The following DIP2C variants were observed in gnomAD, a reference collection of about 807,000 sequenced individuals.
The protein encoded by DIP2C is DIP2 acetate--CoA ligase C (putative).
In DIP2C, 33 loss-of-function variants were observed where a neutral mutation model predicts 192.4. The observed-to-expected ratio is 0.17, with a 90% CI of 0.13 to 0.23. DIP2C has a LOEUF of 0.23. DIP2C is among the 10% of genes least tolerant of loss of function. The pLI is 1.00. For synonymous variants in DIP2C, 979 were observed against 864.1 expected (o/e 1.13, Z -2.33); for missense variants, 1,537 against 2,110.1 (o/e 0.73, Z 5.32).
chr10:662,180 TTTTATCTATACACA>T, intron 1 of DIP2C: 1 of 711,950 alleles, frequency 1.4e-6, no homozygotes, highest in Middle Eastern at 2.3e-4. Context: ...CACATGCATA[TTTTATCTATACACA>T]AAGAGTACAG....
At chr10:580,393 T>A (rs541236108) in intron 1 of DIP2C, among the ~76,000 whole-genome samples, 2 of 152,190 alleles carry the variant, frequency 1.3e-5, no homozygotes, top group Non-Finnish European at 2.9e-5. Flanking sequence ...AGTACACAAA[T>A]GTGCAAATAC....
intron 1 of DIP2C, among the ~76,000 whole-genome samples, chr10:591,445 G>A (rs1259533519): frequency 6.6e-6 from 1 of 152,112 alleles, no homozygotes; most frequent in East Asian, 1.9e-4. Flanking sequence ...TAATTTCTAA[G>A]CCACTCTCTC....
At chr10:618,588 T>TAG (rs148321657) in intron 1 of DIP2C, among the ~76,000 whole-genome samples, 1 of 63,654 alleles carries the variant, frequency 1.6e-5, no homozygotes, top group African/African-American at 2.8e-5. Context: ...TGTATGAATT[T>TAG]AGTCATGACT....
intron 16 of DIP2C, among the ~76,000 whole-genome samples, chr10:383,194 T>C (rs1341101134): frequency 6.6e-6 from 1 of 152,002 alleles, no homozygotes; most frequent in African/African-American, 2.4e-5. Flanking sequence ...GCAAGATGTA[T>C]TGTTTTGTAC....
At chr10:415,696 G>T in intron 7 of DIP2C, 73 bp downstream of exon 7, 2 of 1,572,800 alleles carry the variant, frequency 1.3e-6, no homozygotes, top group South Asian at 1.2e-5. Context: ...AAATAGCCTT[G>T]CAGAAAAAAA....
chr10:532,463 G>T (rs559039134), intron 1 of DIP2C, among the ~76,000 whole-genome samples: 5 of 152,300 alleles, frequency 3.3e-5, no homozygotes, highest in African/African-American at 1.2e-4. Context: ...AACCAAAACA[G>T]CATGTTTTTC....
intron 1 of DIP2C, among the ~76,000 whole-genome samples, chr10:618,823 G>A (rs532765141): frequency 5.9e-5 from 9 of 152,228 alleles, no homozygotes; most frequent in East Asian, 1.9e-4. Context: ...ACACGGCCAC[G>A]TTCAGGCTGA....
At chr10:423,139 G>A in intron 4 of DIP2C, 106 bp from the exon 5 acceptor site, 3 of 1,082,850 alleles carry the variant, frequency 2.8e-6, no homozygotes, top group Non-Finnish European at 3.9e-6. Flanking sequence ...CTCAATAGTT[G>A]TTCAATGACT....
intron 28 of DIP2C, among the ~76,000 whole-genome samples, chr10:342,577 G>A (rs1451092028): frequency 1.3e-5 from 2 of 152,238 alleles, no homozygotes; most frequent in African/African-American, 4.8e-5. Context: ...CATAGCCTCT[G>A]CTGTGCAGCA....
At chr10:442,008 G>A (rs992000597) in intron 3 of DIP2C, among the ~76,000 whole-genome samples, 1 of 150,362 alleles carries the variant, frequency 6.7e-6, no homozygotes, top group Non-Finnish European at 1.5e-5. Flanking sequence ...AGCCAGGGAA[G>A]AACCCTCTCA....
At chr10:497,841 A>G (rs1326897255) in intron 1 of DIP2C, among the ~76,000 whole-genome samples, 1 of 152,238 alleles carries the variant, frequency 6.6e-6, no homozygotes, top group Non-Finnish European at 1.5e-5. Flanking sequence ...CTATTTTGGA[A>G]TAGGTTGGGA....
At chr10:481,525 A>C (rs1435025808) in intron 2 of DIP2C, among the ~76,000 whole-genome samples, 1 of 152,236 alleles carries the variant, frequency 6.6e-6, no homozygotes, top group Non-Finnish European at 1.5e-5. Context: ...CAAGTTCTGA[A>C]AAGATAATAA....
chr10:503,354 C>T (rs1588319629), intron 1 of DIP2C, among the ~76,000 whole-genome samples: 1 of 152,172 alleles, frequency 6.6e-6, no homozygotes, highest in East Asian at 1.9e-4. Context: ...TGGCAAAGAT[C>T]GAACAGACAC....
At chr10:591,337 C>A (rs1230540879) in intron 1 of DIP2C, among the ~76,000 whole-genome samples, 1 of 152,114 alleles carries the variant, frequency 6.6e-6, no homozygotes. Context: ...GTTGGCCAGG[C>A]TGGTCTCAAA....
chr10:610,085 T>C (rs1402029987), intron 1 of DIP2C, among the ~76,000 whole-genome samples: 1 of 152,054 alleles, frequency 6.6e-6, no homozygotes, highest in East Asian at 1.9e-4. Context: ...TGAGTGCCGG[T>C]CAACAGGGGA....
intron 1 of DIP2C, among the ~76,000 whole-genome samples, chr10:542,422 C>G (rs779036670): frequency 1.3e-5 from 2 of 152,208 alleles, no homozygotes; most frequent in African/African-American, 4.8e-5. Context: ...GGAAAACAAG[C>G]TTCAGAAAGG....
intron 8 of DIP2C, among the ~76,000 whole-genome samples, chr10:411,698 T>C (rs201489008): frequency 4.0e-5 from 6 of 151,724 alleles, no homozygotes; most frequent in East Asian, 2.0e-4. Context: ...GATACCAAAT[T>C]ACTCAGTATT....
chr10:543,870 AC>A (rs1392118248), intron 1 of DIP2C, among the ~76,000 whole-genome samples: 1 of 151,454 alleles, frequency 6.6e-6, no homozygotes, highest in East Asian at 1.9e-4. Flanking sequence ...CTTTTTCACC[AC>A]CCGCAAAAGA....
At chr10:382,045 C>G (rs1300653225) in intron 17 of DIP2C, among the ~76,000 whole-genome samples, 1 of 152,188 alleles carries the variant, frequency 6.6e-6, no homozygotes, top group East Asian at 1.9e-4. Context: ...GACGGCTCCA[C>G]TTAGGTAAAA....
Sources: allele counts gnomAD v4.1 joint callset (sites outside exome capture counted in the v4.1 genomes callset), GRCh38; gene constraint gnomAD v4.1.1; transcripts MANE v1.5; gene names NCBI Gene and HGNC (gene_info 2026-07-23, HGNC 2026-07-21).